The following ADAMTS6 variants were observed in gnomAD, a reference collection of about 807,000 sequenced individuals.
ADAMTS6 encodes A disintegrin and metalloproteinase with thrombospondin motifs 6.
In ADAMTS6, 23 loss-of-function variants were observed where a neutral mutation model predicts 144.3. That is an observed-to-expected ratio of 0.16 (90% CI 0.11 to 0.23). The LOEUF (loss-of-function observed/expected upper bound fraction) is 0.23, where lower values mean the gene tolerates loss of function less well. Among genes scored for constraint, ADAMTS6 ranks in the 10% least tolerant of loss-of-function variants. The probability of loss-of-function intolerance (pLI) is 1.00; values close to 1 mark genes in which losing one functional copy is unlikely to be tolerated. For missense variants in ADAMTS6, 999 were observed against 1,379.6 expected (o/e 0.72, Z 4.37); for synonymous variants, 444 against 457.5 (o/e 0.97, Z 0.38).
chr5:65,197,034 G>A lies in ADAMTS6; in HGVS notation c.2693C>T (p.Pro898Leu). 1 of 1,612,708 alleles carries A rather than the reference G, an allele frequency of 6.2e-7. No homozygotes were observed. Residue 898 changes from proline (P) to leucine (L), a missense_variant, in exon 21 of 25, where the codon CCC (proline) becomes CTC (leucine). Coordinates refer to ENST00000381055, the MANE Select transcript of ADAMTS6 (RefSeq NM_197941.4). ...PENQRACNTE[P>L]CPPEWFIGDW... is the part of the protein sequence containing the mutation. Reference sequence around the variant, plus strand: ...TTCCCTTACTTACTCAGGTGGGCAGGGCTCAGTGTTGCAGGCTCTTTGATT... The same window carrying A: ...TTCCCTTACTTACTCAGGTGGGCAGAGCTCAGTGTTGCAGGCTCTTTGATT...
chr5:65,156,644 CTG>C (rs1442024240), intron 24 of ADAMTS6, among the ~76,000 whole-genome samples: 1 of 152,150 alleles, frequency 6.6e-6, no homozygotes, highest in Non-Finnish European at 1.5e-5. Context: ...TATAATCACT[CTG>C]TAGTTAATTT....
chr5:65,164,681 TC>T (rs1160542311), intron 24 of ADAMTS6, among the ~76,000 whole-genome samples: 1 of 148,840 alleles, frequency 6.7e-6, no homozygotes, highest in Non-Finnish European at 1.5e-5. Flanking sequence ...CAGCTGGAGA[TC>T]TGAGAACGGG....
Position 65,452,840 on chromosome 5 carries a change from T to C in ADAMTS6, c.710A>G (p.His237Arg). ...VSYSLPINNT[H>R]IHHRQKRSVS... is the part of the protein sequence containing the mutation. ...TGATCTCTTCTGTCTGTGGTGGATA[T>C]GTGTGTTGTTAATTGGTAGTGAATA... The change falls in exon 5 of 25, where the codon CAT (histidine) becomes CGT (arginine). Residue 237 changes from histidine to arginine, a missense_variant. Physicochemically the swap from His to Arg is conservative, Grantham distance 29. Transcript: ENST00000381055. 6.2e-7 allele frequency: 1 copy of C among 1,614,122 alleles called. No homozygotes were observed. The highest frequency in any genetic ancestry group is 8.5e-7 in the Non-Finnish European group (1 of 1,179,966).
At chr5:65,256,283 T>C (rs1434855905) in intron 14 of ADAMTS6, 2 of 152,200 alleles carry the variant, frequency 1.3e-5, no homozygotes, top group Non-Finnish European at 2.9e-5. Context: ...ACATACAATA[T>C]TTTCATCACT....
At chr5:65,216,493 T>C (rs1035349309) in intron 18 of ADAMTS6, among the ~76,000 whole-genome samples, 3 of 152,064 alleles carry the variant, frequency 2.0e-5, no homozygotes, top group African/African-American at 7.2e-5. Context: ...GTGATGTAAA[T>C]GTTTGGAATG....
chr5:65,239,180 T>C (rs1758945387), intron 15 of ADAMTS6, among the ~76,000 whole-genome samples: 1 of 150,928 alleles, frequency 6.6e-6, no homozygotes, highest in Non-Finnish European at 1.5e-5. Flanking sequence ...GGCGAGTCAA[T>C]GGGTGCAGCA....
At chr5:65,224,506 C>T (rs2112390259) in intron 17 of ADAMTS6, 106 bp from the exon 18 acceptor site, 9 of 997,798 alleles carry the variant, frequency 9.0e-6, no homozygotes, top group Non-Finnish European at 1.4e-5. Flanking sequence ...CTCTCTTTGA[C>T]TTTGCATTTT....
intron 15 of ADAMTS6, among the ~76,000 whole-genome samples, chr5:65,235,815 C>T (rs112742280): frequency 0.018 from 2,755 of 152,066 alleles, 71 homozygotes; most frequent in African/African-American, 0.062. Flanking sequence ...TCTAGAGAAC[C>T]CTGACTAATA....
At chr5:65,295,607 A>G (rs183736914) in intron 10 of ADAMTS6, among the ~76,000 whole-genome samples, 96 of 152,218 alleles carry the variant, frequency 6.3e-4, no homozygotes, top group African/African-American at 2.3e-3. Context: ...AAAATTGTAC[A>G]TATAAAAAGT....
At chr5:65,275,353 GAGAAAGAAAGAA>G (rs71693940) in intron 11 of ADAMTS6, among the ~76,000 whole-genome samples, 11,855 of 86,984 alleles carry the variant, frequency 0.14, 884 homozygotes, top group Middle Eastern at 0.18. Flanking sequence ...AAAGAAAGAA[GAGAAAGAAAGAA>G]AGAAAGAAAG....
At chr5:65,180,551 A>C (rs894908434) in intron 22 of ADAMTS6, among the ~76,000 whole-genome samples, 1 of 152,096 alleles carries the variant, frequency 6.6e-6, no homozygotes, top group African/African-American at 2.4e-5. Flanking sequence ...CACTAACCTT[A>C]CTTCAGACAA....
At chr5:65,392,495 G>A (rs1452904800) in intron 7 of ADAMTS6, among the ~76,000 whole-genome samples, 1 of 152,034 alleles carries the variant, frequency 6.6e-6, no homozygotes. Context: ...TCAATTCCTA[G>A]TTTTTCAGTG....
chr5:65,469,937 A>G (rs1029854128), intron 3 of ADAMTS6, among the ~76,000 whole-genome samples: 9 of 152,254 alleles, frequency 5.9e-5, no homozygotes, highest in Non-Finnish European at 1.3e-4. Context: ...TGAACAGGGT[A>G]AACACAGAAG....
At chr5:65,198,053 A>T (rs2161560) in intron 20 of ADAMTS6, among the ~76,000 whole-genome samples, 100,918 of 152,064 alleles carry the variant, frequency 0.66, 34,117 homozygotes, top group African/African-American at 0.79. Context: ...TGTCAAGGAA[A>T]CAAAAGAAGC....
intron 24 of ADAMTS6, among the ~76,000 whole-genome samples, chr5:65,157,749 G>A (rs1752517132): frequency 6.6e-6 from 1 of 152,160 alleles, no homozygotes; most frequent in African/African-American, 2.4e-5. Flanking sequence ...GAGTTGGGGT[G>A]GGGAATGTGA....
Position 65,353,044 on chromosome 5 carries a change from A to G in ADAMTS6, c.1074-18959T>C, listed in dbSNP as rs1016417317. On this transcript the variant is annotated intron_variant, in intron 7 of 24. Transcript: ENST00000381055. ...CCTGAGGATTTCTCCTTAGATCTTTATATGAATGAATGAATCTTACCCTAT... is the reference window on the plus strand; with the variant it reads ...CCTGAGGATTTCTCCTTAGATCTTTGTATGAATGAATGAATCTTACCCTAT... Among the ~76,000 whole-genome samples, 4 of 152,044 alleles carry G rather than the reference A, an allele frequency of 2.6e-5. No homozygotes were observed. The South Asian group carries it at 8.3e-4, about 32-fold the overall frequency.
At chr5:65,336,461 C>A (rs995182667) in intron 7 of ADAMTS6, among the ~76,000 whole-genome samples, 3 of 152,032 alleles carry the variant, frequency 2.0e-5, no homozygotes, top group African/African-American at 4.8e-5. Context: ...TTTGCATGAA[C>A]CCATACAAAA....
At chr5:65,238,586 C>T (rs201740958) in intron 15 of ADAMTS6, among the ~76,000 whole-genome samples, 1 of 150,790 alleles carries the variant, frequency 6.6e-6, no homozygotes. Flanking sequence ...GACAACAGAA[C>T]CAGACCCTGT....
At chr5:65,474,756 C>G (rs1021931089) in intron 1 of ADAMTS6, among the ~76,000 whole-genome samples, 1 of 95,600 alleles carries the variant, frequency 1.0e-5, no homozygotes, top group Non-Finnish European at 2.1e-5. Context: ...AAGAAAATAA[C>G]TAAGAGCTAA....
Sources: allele counts gnomAD v4.1 joint callset (sites outside exome capture counted in the v4.1 genomes callset), GRCh38; gene constraint gnomAD v4.1.1; transcripts MANE v1.5; gene names NCBI Gene and HGNC (gene_info 2026-07-23, HGNC 2026-07-21).